ITGA9: variants seen among roughly 807,000 people sequenced by gnomAD.
ITGA9 encodes integrin subunit alpha 9.
ITGA9 carries 56 observed loss-of-function variants against 127.8 expected under a neutral mutation model. The ratio of observed to expected loss-of-function variants is 0.44; its 90% CI spans 0.35 to 0.55. The LOEUF is 0.55. ITGA9 is among the 20% of genes least tolerant of loss of function. ITGA9 has a pLI of 0.00. For missense variants in ITGA9, 1,196 were observed against 1,347.1 expected (o/e 0.89, Z 1.76); for synonymous variants, 508 against 514.5 (o/e 0.99, Z 0.17).
At chr3:37,473,260 C>T in intron 2 of ITGA9, 94 bp from the exon 3 acceptor site, 2 of 866,564 alleles carry the variant, frequency 2.3e-6, no homozygotes, top group Admixed American at 1.9e-5. Flanking sequence ...TGGAAAGTTC[C>T]TTATTTCCTC....
chr3:37,804,048 C>A, intron 27 of ITGA9, 106 bp downstream of exon 27: 1 of 1,525,062 alleles, frequency 6.6e-7, no homozygotes, highest in Non-Finnish European at 9.1e-7. Context: ...TCCTTCATGG[C>A]ACCGGTACAG....
intron 17 of ITGA9, among the ~76,000 whole-genome samples, chr3:37,669,659 C>T (rs1366358828): frequency 2.6e-5 from 4 of 152,132 alleles, no homozygotes; most frequent in African/African-American, 9.7e-5. Flanking sequence ...AACAGTTGCT[C>T]ATTGGCTTTT....
chr3:37,600,298 T>C (rs1169597698), intron 15 of ITGA9, among the ~76,000 whole-genome samples: 1 of 152,160 alleles, frequency 6.6e-6, no homozygotes, highest in Non-Finnish European at 1.5e-5. Flanking sequence ...TCATTACCTG[T>C]CCAGAAAACT....
Position 37,799,359 on chromosome 3 carries a change from A to G in ITGA9, c.2890-4464A>G, listed in dbSNP as rs1697209734. Reference sequence around the variant, plus strand: ...ACACCTGGCTGATTTTTGTATTTTTAGTAGACACGAGGTTTCACCATGTTG... The same window carrying G: ...ACACCTGGCTGATTTTTGTATTTTTGGTAGACACGAGGTTTCACCATGTTG... On this transcript the variant is annotated intron_variant, in intron 26 of 27. Transcript: ENST00000264741. This position sits in a 1 kb window ranked among gnomAD's most constrained non-coding sequence, Gnocchi z 4.0. 6.6e-6 allele frequency among the ~76,000 whole-genome samples: 1 copy of G among 151,972 alleles called. No homozygotes were observed. Among genetic ancestry groups the G allele is most frequent in the African/African-American group, 2.4e-5 (1 of 41,362 alleles).
rs367674034 is a variant in ITGA9, at chr3:37,730,246, C to T, written c.2068-2466C>T. Among the ~76,000 whole-genome samples, 4 of 152,270 alleles carry T rather than the reference C, an allele frequency of 2.6e-5. No individual in the cohort carries two copies. The South Asian group carries it at 6.2e-4, about 24-fold the overall frequency. ...CAGAATGACAGAAATGAACCAGGAC[C>T]GTCCCCAGGAAACCAAGAGAACTAA... On this transcript the variant is annotated intron_variant, in intron 18 of 27. Transcript: ENST00000264741.
At chr3:37,667,500 C>T (rs930883876) in intron 17 of ITGA9, among the ~76,000 whole-genome samples, 2 of 152,178 alleles carry the variant, frequency 1.3e-5, no homozygotes, top group Admixed American at 6.5e-5. Context: ...GGATAAGATC[C>T]CTGAGCCCTG....
rs140254176 is a variant in ITGA9 at position 37,746,739 on chromosome 3, G to T, written c.2433+2705G>T. 2.6e-5 allele frequency among the ~76,000 whole-genome samples: 4 copies of T among 152,246 alleles called. No homozygotes were observed. The East Asian group carries it at 7.7e-4, about 29-fold the overall frequency. On this transcript the variant is annotated intron_variant, in intron 22 of 27. Transcript: ENST00000264741. ...ATTCCTTCCTTTTCTATGTCTTCAG[G>T]TTGTTTGGTGAATATTGTTCTTTTT...
intron 27 of ITGA9, among the ~76,000 whole-genome samples, chr3:37,815,730 T>C (rs568536032): frequency 3.9e-5 from 6 of 152,180 alleles, no homozygotes; most frequent in Non-Finnish European, 7.4e-5. Flanking sequence ...ATATTGAGTC[T>C]GTACCAGTTA....
chr3:37,684,198 A>C (rs1169773992), intron 18 of ITGA9, among the ~76,000 whole-genome samples, 183 bp downstream of exon 18: 1 of 152,210 alleles, frequency 6.6e-6, no homozygotes, highest in East Asian at 1.9e-4. Flanking sequence ...CCAAAGAAGC[A>C]GCCGTAAATG....
intron 23 of ITGA9, among the ~76,000 whole-genome samples, chr3:37,775,106 A>G (rs1696890975): frequency 6.6e-6 from 1 of 152,234 alleles, no homozygotes. Flanking sequence ...AATGGAAGAA[A>G]ATATTTGCAA....
intron 4 of ITGA9, among the ~76,000 whole-genome samples, chr3:37,488,522 C>T (rs1812915): frequency 0.26 from 39,679 of 151,972 alleles, 5,335 homozygotes; most frequent in East Asian, 0.43. Context: ...ATTGGCCAGG[C>T]GTGGTGGCTC....
At chr3:37,500,743 G>A (rs112038297) in intron 5 of ITGA9, among the ~76,000 whole-genome samples, 6,933 of 152,242 alleles carry the variant, frequency 0.046, 205 homozygotes, top group Middle Eastern at 0.071. Context: ...GCGTGGGCTC[G>A]TCTCTGCAGA....
At chr3:37,681,080 A>AC (rs565674112) in intron 17 of ITGA9, among the ~76,000 whole-genome samples, 38 of 151,870 alleles carry the variant, frequency 2.5e-4, no homozygotes, top group South Asian at 2.1e-3. Flanking sequence ...TGAGGATTCC[A>AC]CCCCCCCAGA....
Position 37,512,120 on chromosome 3 carries a change from CTTTCTTTTCTTTTCT to C in ITGA9, c.898-1565_898-1551del, listed in dbSNP as rs1176263183. ...TCCTTCCTTCCTTCCTTCCTTCCTT[CTTTCTTTTCTTTTCT>C]TTTCTTTTCTTTTCTTTTCTTTTCT... On this transcript the variant is annotated intron_variant, in intron 8 of 27. Coordinates refer to ENST00000264741, the MANE Select transcript of ITGA9 (RefSeq NM_002207.3). Among the ~76,000 whole-genome samples the C allele has an allele frequency of 3.5e-3, 138 of 39,444 alleles. 4 individuals are homozygous for C. The highest frequency in any genetic ancestry group is 4.9e-3 in the Non-Finnish European group (103 of 21,172). The allele number at this position is 39,444 out of a possible 152,430, so 25.9% of individuals were successfully genotyped here. A position where few individuals can be genotyped will look rare whatever the true frequency, so the allele number is the denominator to read the frequency against.
intron 16 of ITGA9, among the ~76,000 whole-genome samples, chr3:37,639,788 A>G (rs1216154668): frequency 6.6e-6 from 1 of 152,018 alleles, no homozygotes; most frequent in Non-Finnish European, 1.5e-5. Context: ...GTTGACTCCT[A>G]ATTAATTGCT....
intron 27 of ITGA9, chr3:37,807,317 T>C (rs1191497663): frequency 6.6e-6 from 1 of 152,260 alleles, no homozygotes; most frequent in Non-Finnish European, 1.5e-5. Flanking sequence ...CCAGGGGATA[T>C]TTCATAAATG....
rs111538880 is a variant in ITGA9, at chr3:37,713,665, A to G, written c.2068-19047A>G. ...GGCAGGAAATCTGAACCTGCTGCCA[A>G]AGAAAACTCGCTTTGCCTTTTGTAA... On this transcript the variant is annotated intron_variant, in intron 18 of 27. Coordinates refer to ENST00000264741, the MANE Select transcript of ITGA9 (RefSeq NM_002207.3). Among the ~76,000 whole-genome samples the G allele has an allele frequency of 7.0e-3, 1,062 of 152,310 alleles. 10 individuals carry two copies. Among genetic ancestry groups the G allele is most frequent in the African/African-American group, 0.024 (1,001 of 41,566 alleles).
intron 15 of ITGA9, among the ~76,000 whole-genome samples, chr3:37,590,309 G>A (rs144093339): frequency 3.3e-5 from 5 of 152,136 alleles, no homozygotes; most frequent in South Asian, 2.1e-4. Flanking sequence ...GCTTTATCCC[G>A]CTGAGCAGTG....
chr3:37,644,019 A>G (rs974302504), intron 16 of ITGA9, among the ~76,000 whole-genome samples: 1 of 152,250 alleles, frequency 6.6e-6, no homozygotes, highest in Non-Finnish European at 1.5e-5. Context: ...CTAAAAAAGA[A>G]AAATGAAACA....
Sources: gnomAD v4.1 joint callset for allele counts (sites outside exome capture counted in the v4.1 genomes callset) on GRCh38, gnomAD v4.1.1 for gene constraint, Gnocchi (gnomAD v3.1) non-coding constraint, MANE v1.5 for transcripts, NCBI Gene and HGNC (gene_info 2026-07-23, HGNC 2026-07-21) for gene names.